The following CAMK2G variants were observed in gnomAD, a reference collection of about 807,000 sequenced individuals.
CAMK2G encodes the protein calcium/calmodulin-dependent protein kinase type II subunit gamma.
In CAMK2G, 23 loss-of-function variants were observed where a neutral mutation model predicts 88.7. The observed-to-expected ratio is 0.26, with a 90% confidence interval of 0.19 to 0.37. The LOEUF (loss-of-function observed/expected upper bound fraction) is 0.37. CAMK2G is among the 10% of genes least tolerant of loss of function. CAMK2G has a pLI of 1.00. For synonymous variants in CAMK2G, 263 were observed against 294.8 expected, an observed-to-expected ratio of 0.89 and a Z score of 1.11; for missense variants, 476 against 780.8, an observed-to-expected ratio of 0.61 and a Z score of 4.65.
chr10:73,826,144 T>C (rs1191313326), intron 15 of CAMK2G, among the ~76,000 whole-genome samples: 1 of 152,058 alleles, frequency 6.6e-6, no homozygotes, highest in Non-Finnish European at 1.5e-5. Flanking sequence ...CAAAACTACA[T>C]GGTGGTGGGT....
chr10:73,827,829 A>T (rs990611320), intron 15 of CAMK2G, among the ~76,000 whole-genome samples: 2 of 152,158 alleles, frequency 1.3e-5, no homozygotes, highest in Non-Finnish European at 2.9e-5. Flanking sequence ...CCAGCTTCAC[A>T]TCCTACCCTG....
In CAMK2G at chr10:73,833,996, G is replaced by A. The variant is rs1389051372; in HGVS notation, c.1053+3472C>T. On this transcript the variant is annotated intron_variant, in intron 14 of 22. Coordinates refer to ENST00000423381, the MANE Select transcript of CAMK2G (RefSeq NM_001367534.1). Reference sequence around the variant, plus strand: ...TGCAGTGGCACAATCTCAGCTCACTGCAAGCTCCGCCTCCCGGGTTCACGC... The same window carrying A: ...TGCAGTGGCACAATCTCAGCTCACTACAAGCTCCGCCTCCCGGGTTCACGC... Among the ~76,000 whole-genome samples, 14 of 126,792 alleles carry A rather than the reference G, an allele frequency of 1.1e-4. No homozygotes were observed. In the Admixed American group the frequency reaches 1.3e-3, roughly 12 times the overall value. The allele number at this position is 126,792 out of a possible 152,430, so 83.2% of individuals were successfully genotyped here.
chr10:73,834,573 C>T (rs1482282687), intron 14 of CAMK2G, among the ~76,000 whole-genome samples: 1 of 152,246 alleles, frequency 6.6e-6, no homozygotes, highest in Non-Finnish European at 1.5e-5. Flanking sequence ...CTCTGTCCTT[C>T]CTCTGTTTCC....
rs1218607232 is a variant in CAMK2G at position 73,847,342 on chromosome 10, T to C, written c.702A>G (p.Pro234=). The change falls in exon 10 of 23, where the codon CCA becomes CCG. Residue 234 remains proline, a synonymous_variant. Coordinates refer to ENST00000423381, the MANE Select transcript of CAMK2G (RefSeq NM_001367534.1). ...QQIKAGAYDF[P]SPEWDTVTPE... ...GAGTTACCGTGTCCCATTCTGGTGA[T>C]GGGAACTAAGGAGCAGGAATAGGGA... 2 of 1,614,132 alleles carry C rather than the reference T, an allele frequency of 1.2e-6. No individual in the cohort carries two copies. Among genetic ancestry groups the C allele is most frequent in the Non-Finnish European group, 1.7e-6 (2 of 1,179,994 alleles).
intron 19 of CAMK2G, 138 bp downstream of exon 19, chr10:73,819,394 A>AC: frequency 1.5e-6 from 1 of 677,082 alleles, no homozygotes; most frequent in Non-Finnish European, 2.6e-6. Context: ...TCTACCCCCC[A>AC]CCCCCAGCAG....
rs551531563 is a variant in CAMK2G, at chr10:73,863,039, G to C, written c.161-2150C>G. ...GATTCAAACTCAGGACTGTCAGTGT[G>C]AGATAATGTAGGGATTATGGACTAG... On this transcript the variant is annotated intron_variant, in intron 2 of 22. Transcript: ENST00000423381. 2.6e-5 allele frequency among the ~76,000 whole-genome samples: 4 copies of C among 152,360 alleles called. No individual in the cohort carries two copies. In the South Asian group the frequency reaches 8.3e-4, roughly 32 times the overall value.
chr10:73,860,770 A>C, intron 3 of CAMK2G, 60 bp downstream of exon 3: 1 of 1,207,342 alleles, frequency 8.3e-7, no homozygotes, highest in Non-Finnish European at 1.2e-6. Context: ...AAAGCAGTGG[A>C]TATCTGTTAT....
At chr10:73,858,057 T>G (rs763590682) in intron 3 of CAMK2G, among the ~76,000 whole-genome samples, 1 of 152,216 alleles carries the variant, frequency 6.6e-6, no homozygotes, top group Non-Finnish European at 1.5e-5. Flanking sequence ...TGAACCCACA[T>G]TGACTCATCA....
intron 10 of CAMK2G, among the ~76,000 whole-genome samples, chr10:73,844,764 C>T (rs538940686): frequency 6.6e-6 from 1 of 152,272 alleles, no homozygotes; most frequent in African/African-American, 2.4e-5. Context: ...CAATGCCTAG[C>T]TCCCCATGCC....
intron 10 of CAMK2G, 108 bp downstream of exon 10, chr10:73,847,117 G>T: frequency 8.4e-7 from 1 of 1,193,934 alleles, no homozygotes; most frequent in Non-Finnish European, 1.2e-6. Flanking sequence ...CTCAGTTATT[G>T]CTTGGGGCCC....
chr10:73,867,617 G>A (rs939280067), intron 2 of CAMK2G, among the ~76,000 whole-genome samples: 6 of 152,198 alleles, frequency 3.9e-5, no homozygotes, highest in African/African-American at 7.2e-5. Flanking sequence ...CCCAGGAAGC[G>A]GAGATGGTGT....
At chr10:73,816,280 A>G in intron 21 of CAMK2G, 1 of 990,264 alleles carries the variant, frequency 1.0e-6, no homozygotes, top group Non-Finnish European at 1.2e-6. Context: ...GATTCTAGCC[A>G]CAACTTCCGA....
At chr10:73,851,520 C>T (rs913724090) in intron 5 of CAMK2G, among the ~76,000 whole-genome samples, 2 of 152,086 alleles carry the variant, frequency 1.3e-5, no homozygotes, top group African/African-American at 4.8e-5. Flanking sequence ...CAGAACTCTC[C>T]ACTCCCTCAG....
Position 73,824,092 on chromosome 10 carries a change from A to G in CAMK2G, c.1156-8T>C. The G allele has an allele frequency of 1.2e-6, 2 of 1,610,788 alleles. No individual in the cohort carries two copies. The highest frequency in any genetic ancestry group is 2.2e-5 in the South Asian group (2 of 90,988). ...CACAGTGGTTTGTGGCTCCTGTGAG[A>G]GAAGATGAAGATTACCCTTCCGACT... On this transcript the variant is annotated splice_region_variant and splice_polypyrimidine_tract_variant and intron_variant, in intron 16 of 22. Transcript: ENST00000423381.
intron 10 of CAMK2G, among the ~76,000 whole-genome samples, chr10:73,844,283 G>T (rs1440581287): frequency 6.6e-6 from 1 of 151,506 alleles, no homozygotes; most frequent in Non-Finnish European, 1.5e-5. Flanking sequence ...TAGAGATGGG[G>T]TTTTGCCATG....
chr10:73,852,595 G>C (rs865837357), intron 4 of CAMK2G: 41 of 453,144 alleles, frequency 9.0e-5, no homozygotes, highest in Non-Finnish European at 1.5e-4. Context: ...AGGGATCTAA[G>C]AGAAAACAGT....
intron 2 of CAMK2G, among the ~76,000 whole-genome samples, chr10:73,862,458 T>G (rs2135576503): frequency 6.6e-6 from 1 of 152,306 alleles, no homozygotes; most frequent in East Asian, 1.9e-4. Context: ...AAGGGTTTAC[T>G]AATAACAGTA....
chr10:73,818,117 A>T, intron 19 of CAMK2G: 1 of 166,972 alleles, frequency 6.0e-6, no homozygotes, highest in Non-Finnish European at 1.3e-5. Context: ...GATGCTTCCC[A>T]CTGCTCAACT....
intron 2 of CAMK2G, among the ~76,000 whole-genome samples, chr10:73,870,482 G>A (rs927769929): frequency 6.6e-6 from 1 of 152,148 alleles, no homozygotes; most frequent in African/African-American, 2.4e-5. Context: ...TTCCTGTCTC[G>A]ATTGGACCCC....
Sources: gnomAD v4.1 joint callset for allele counts (sites outside exome capture counted in the v4.1 genomes callset) on GRCh38, gnomAD v4.1.1 for gene constraint, MANE v1.5 for transcripts, NCBI Gene and HGNC (gene_info 2026-07-23, HGNC 2026-07-21) for gene names.